Variants in ADPGK observed in about 807,000 individuals in gnomAD.
The protein encoded by ADPGK is ADP-dependent glucokinase.
Under a neutral mutation model 42.4 loss-of-function variants are expected in ADPGK, and 26 were observed. That is an observed-to-expected ratio of 0.61 (90% CI 0.45 to 0.85). The LOEUF is 0.85. Ranked by LOEUF, ADPGK falls within the 40% of genes least tolerant of loss-of-function variation. ADPGK has a pLI of 0.00. For synonymous variants in ADPGK, 267 were observed against 252.6 expected (o/e 1.06, Z -0.54); for missense variants, 571 against 627.0 (o/e 0.91, Z 0.95).
At chr15:72,778,651 C>A (rs902337006) in intron 1 of ADPGK, among the ~76,000 whole-genome samples, 1 of 152,176 alleles carries the variant, frequency 6.6e-6, no homozygotes, top group East Asian at 1.9e-4. Context: ...ACCATAAGTG[C>A]CTCTAAGGCA....
At chr15:72,780,191 A>T (rs1384619421) in intron 1 of ADPGK, among the ~76,000 whole-genome samples, 17 of 152,324 alleles carry the variant, frequency 1.1e-4, no homozygotes, top group South Asian at 4.1e-4. Flanking sequence ...GGTTTAATTG[A>T]CTTACAGTTC....
At chr15:72,754,584 T>C (rs1211097705) in intron 6 of ADPGK, among the ~76,000 whole-genome samples, 1 of 152,190 alleles carries the variant, frequency 6.6e-6, no homozygotes, top group Non-Finnish European at 1.5e-5. Context: ...AACAAAATCA[T>C]GTATCAAGTT....
rs770734500 is a variant in ADPGK, at chr15:72,752,576, A to G, written c.1259T>C (p.Ile420Thr). 1.2e-5 allele frequency: 19 copies of G among 1,613,992 alleles called. No individual in the cohort carries two copies. In the East Asian group the frequency reaches 1.3e-4, roughly 11 times the overall value. The part of the protein sequence containing the change: ...AGTQACATET[I>T]DTSRVSLRAP... The stretch of plus-strand genomic sequence containing the variant: ...CCTCAGAGACACTCGGCTGGTGTCT[A>G]TGGTTTCTGTGGCGCAGGCCTGTGT... Residue 420 changes from isoleucine (I) to threonine (T), a missense_variant, in exon 7 of 7, where the codon ATA (isoleucine) becomes ACA (threonine). Physicochemically the swap from Ile to Thr is moderately conservative, Grantham distance 89. Around this residue, in one of 2 missense-constraint regions of ADPGK, gnomAD observed 434 missense variants for 522.7 expected, o/e 0.83. Coordinates refer to ENST00000456471, the MANE Select transcript of ADPGK (RefSeq NM_001365225.1).
chr15:72,769,589 C>T (rs999169493), intron 3 of ADPGK, among the ~76,000 whole-genome samples: 5 of 152,182 alleles, frequency 3.3e-5, no homozygotes, highest in Admixed American at 2.0e-4. Context: ...TCAGGTAATC[C>T]GCCTGCCTCG....
chr15:72,755,571 G>T lies in ADPGK; in HGVS notation c.924C>A (p.Ser308Arg), dbSNP rs183709658. 264 of 1,613,488 alleles carry T rather than the reference G, an allele frequency of 1.6e-4. 1 individual carries two copies. The East Asian group carries it at 5.2e-3, about 32-fold the overall frequency. ...LASMTNRELM[S>R]SIVHQQVFPA... ...ATGAGGTTACCTGATGGACAATGCT[G>T]CTCATGAGCTCCCTGTTAGTCATAC... is the stretch of plus-strand genomic sequence containing the variant. Residue 308 changes from serine to arginine, a missense_variant, in exon 6 of 7, where the codon AGC (serine) becomes AGA (arginine). Physicochemically the swap from Ser to Arg is moderately radical, Grantham distance 110. Transcript: ENST00000456471.
At chr15:72,758,626 A>C (rs2066147453) in intron 4 of ADPGK, 1 of 191,516 alleles carries the variant, frequency 5.2e-6, no homozygotes, top group Admixed American at 5.5e-5. Flanking sequence ...TAGGAAAGAA[A>C]AACTGAAGTG....
intron 3 of ADPGK, 54 bp downstream of exon 3, chr15:72,771,729 A>T: frequency 6.6e-7 from 1 of 1,519,422 alleles, no homozygotes; most frequent in Non-Finnish European, 9.1e-7. Flanking sequence ...TTGCTCCTAA[A>T]ATTATTGAAA....
At chr15:72,783,294 T>C (rs999426825) in intron 1 of ADPGK, 165 bp downstream of exon 1, 4 of 1,262,618 alleles carry the variant, frequency 3.2e-6, no homozygotes, top group Non-Finnish European at 4.0e-6. Flanking sequence ...AGAGCAGCGG[T>C]GACGAACCGG....
chr15:72,778,025 GATCACTTGAGCC>G (rs1194371413), intron 1 of ADPGK, among the ~76,000 whole-genome samples: 1 of 152,070 alleles, frequency 6.6e-6, no homozygotes, highest in Non-Finnish European at 1.5e-5. Flanking sequence ...AAGGCGGGTG[GATCACTTGAGCC>G]TAGGAGTTCC....
At chr15:72,765,525 T>C (rs1004883711) in intron 3 of ADPGK, among the ~76,000 whole-genome samples, 1 of 152,240 alleles carries the variant, frequency 6.6e-6, no homozygotes, top group Non-Finnish European at 1.5e-5. Flanking sequence ...ACTCCTCTGA[T>C]GGATCTGGGC....
At chr15:72,755,036 T>C (rs959165071) in intron 6 of ADPGK, among the ~76,000 whole-genome samples, 4 of 152,202 alleles carry the variant, frequency 2.6e-5, no homozygotes, top group Non-Finnish European at 4.4e-5. Flanking sequence ...TAACACTAGA[T>C]TGCCAGGTGA....
chr15:72,777,602 C>T lies in ADPGK; in HGVS notation c.234-2505G>A, dbSNP rs1021092104. On this transcript the variant is annotated intron_variant, in intron 1 of 6. Coordinates refer to ENST00000456471, the MANE Select transcript of ADPGK (RefSeq NM_001365225.1). ...CTGAGGCAGGAGAATCGCTTGAACC[C>T]GGGAGGTGGAGGTTGCAGTGAGCTG... Among the ~76,000 whole-genome samples the T allele has an allele frequency of 8.7e-4, 132 of 151,734 alleles. 1 individual carries two copies. Among genetic ancestry groups the T allele is most frequent in the African/African-American group, 2.3e-3 (96 of 41,338 alleles).
chr15:72,766,069 C>A (rs949985612), intron 3 of ADPGK, among the ~76,000 whole-genome samples: 65 of 152,154 alleles, frequency 4.3e-4, no homozygotes, highest in African/African-American at 1.5e-3. Context: ...AGTACAGTAG[C>A]CTCAAACTCC....
chr15:72,756,542 G>A (rs1595788726), intron 4 of ADPGK, 95 bp from the exon 5 acceptor site: 1 of 1,350,588 alleles, frequency 7.4e-7, no homozygotes, highest in African/African-American at 1.5e-5. Flanking sequence ...AGGAGCCTTG[G>A]CTCCAAGCAG....
At chr15:72,779,319 G>A (rs746058438) in intron 1 of ADPGK, among the ~76,000 whole-genome samples, 69 of 149,478 alleles carry the variant, frequency 4.6e-4, no homozygotes, top group Non-Finnish European at 8.7e-4. Context: ...CGCGATCTCG[G>A]CTCACCGCAA....
In ADPGK at chr15:72,752,363, G is replaced by A. The variant is rs1482183989; in HGVS notation, c.1472C>T (p.Ser491Leu). 3.4e-5 allele frequency: 55 copies of A among 1,613,688 alleles called. No individual in the cohort carries two copies. Among genetic ancestry groups the A allele is most frequent in the East Asian group, 4.5e-5 (2 of 44,888 alleles). ...DAISAEGLFYSEVHPHY is the reference protein window; with the variant it reads ...DAISAEGLFYLEVHPHY The stretch of plus-strand genomic sequence containing the variant: ...TTCCTAATAGTGAGGGTGTACTTCC[G>A]AATAGAAGAGTCCTTCGGCTGAAAT... The change falls in exon 7 of 7, where the codon TCG (serine) becomes TTG (leucine). Residue 491 changes from serine (S) to leucine (L), a missense_variant. Physicochemically the swap from Ser to Leu is moderately radical, Grantham distance 145. This residue lies in a region of ADPGK where 434 missense variants were observed against 522.7 expected (regional missense o/e 0.83). Coordinates refer to ENST00000456471, the MANE Select transcript of ADPGK (RefSeq NM_001365225.1).
intron 1 of ADPGK, among the ~76,000 whole-genome samples, chr15:72,781,683 G>C (rs1268357832): frequency 6.6e-6 from 1 of 152,164 alleles, no homozygotes; most frequent in Non-Finnish European, 1.5e-5. Context: ...GTGCTTCTAA[G>C]GTAAGGTCGT....
At chr15:72,780,997 T>A (rs1350916210) in intron 1 of ADPGK, among the ~76,000 whole-genome samples, 1 of 152,204 alleles carries the variant, frequency 6.6e-6, no homozygotes, top group Non-Finnish European at 1.5e-5. Flanking sequence ...ATATTCCTCC[T>A]TATGAATCAC....
intron 3 of ADPGK, among the ~76,000 whole-genome samples, chr15:72,769,996 A>G (rs1271863455): frequency 6.6e-6 from 1 of 152,262 alleles, no homozygotes; most frequent in Non-Finnish European, 1.5e-5. Flanking sequence ...AGTGCCAGCT[A>G]TAATTACCAC....
Sources: gnomAD v4.1 joint callset for allele counts (sites outside exome capture counted in the v4.1 genomes callset) on GRCh38, gnomAD v4.1.1 for gene constraint, gnomAD v4.1.1 regional missense constraint, MANE v1.5 for transcripts, NCBI Gene and HGNC (gene_info 2026-07-23, HGNC 2026-07-21) for gene names.